Variants in PRSS3 observed in about 807,000 individuals in gnomAD.
PRSS3 encodes serine protease 3, also known as trypsin-3.
In PRSS3, 14 loss-of-function variants were observed where a neutral mutation model predicts 20.8. The observed-to-expected ratio is 0.67, with a 90% CI of 0.44 to 1.05. The LOEUF is 1.05. Ranked by LOEUF, PRSS3 falls within the 50% of genes least tolerant of loss-of-function variation. The pLI is 0.00. For synonymous variants in PRSS3, 91 were observed against 117.6 expected, an observed-to-expected ratio of 0.77 and a Z score of 1.46; for missense variants, 237 against 306.4, an observed-to-expected ratio of 0.77 and a Z score of 1.69.
intron 1 of PRSS3, among the ~76,000 whole-genome samples, chr9:33,762,341 T>C (rs1469106754): frequency 6.6e-6 from 1 of 152,192 alleles, no homozygotes; most frequent in Non-Finnish European, 1.5e-5. Context: ...GGATAGACTC[T>C]GGACCTCCTC....
chr9:33,756,536 G>A (rs1283234537), intron 1 of PRSS3, among the ~76,000 whole-genome samples: 2 of 152,094 alleles, frequency 1.3e-5, no homozygotes, highest in Non-Finnish European at 2.9e-5. Flanking sequence ...TACTTAGACT[G>A]AATCTGAAAA....
chr9:33,751,811 T>C (rs1171318406), intron 1 of PRSS3, among the ~76,000 whole-genome samples: 6 of 152,106 alleles, frequency 3.9e-5, no homozygotes, highest in Non-Finnish European at 7.4e-5. Flanking sequence ...CAGTGGGAAA[T>C]TACGGAAAGA....
intron 2 of PRSS3, 149 bp downstream of exon 2, chr9:33,796,951 A>G (rs1824987876): frequency 4.6e-6 from 6 of 1,311,388 alleles, no homozygotes; most frequent in Non-Finnish European, 5.4e-6. Flanking sequence ...TCTCCAGAGC[A>G]AGGCCAATCC....
intron 1 of PRSS3, among the ~76,000 whole-genome samples, chr9:33,754,226 C>T (rs1822836253): frequency 6.6e-6 from 1 of 151,992 alleles, no homozygotes; most frequent in South Asian, 2.1e-4. Context: ...CGTGCACCAC[C>T]ACGCCCAGCT....
chr9:33,795,999 C>T (rs1482922253), intron 1 of PRSS3, among the ~76,000 whole-genome samples: 1 of 152,256 alleles, frequency 6.6e-6, no homozygotes, highest in East Asian at 1.9e-4. Context: ...AGAGATTCAA[C>T]TCTAGAAGTT....
chr9:33,766,125 C>G (rs900405035), intron 1 of PRSS3, among the ~76,000 whole-genome samples: 1 of 151,888 alleles, frequency 6.6e-6, no homozygotes, highest in African/African-American at 2.4e-5. Flanking sequence ...ATTAACCAGG[C>G]ATACTGGCGA....
At chr9:33,788,846 T>C (rs2119047470) in intron 1 of PRSS3, among the ~76,000 whole-genome samples, 1 of 152,342 alleles carries the variant, frequency 6.6e-6, no homozygotes, top group East Asian at 1.9e-4. Context: ...CATATTTTTC[T>C]TCTTTTTGCT....
chr9:33,783,325 T>G (rs1263627519), intron 1 of PRSS3, among the ~76,000 whole-genome samples: 1 of 152,216 alleles, frequency 6.6e-6, no homozygotes, highest in East Asian at 1.9e-4. Context: ...TCAAGATTTG[T>G]GCATGGTGCT....
chr9:33,786,309 T>C, intron 1 of PRSS3: 1 of 571,812 alleles, frequency 1.7e-6, no homozygotes, highest in Non-Finnish European at 3.1e-6. Context: ...GGTAGAGAGG[T>C]GGAAAGACTT....
chr9:33,761,289 G>A (rs575269082), intron 1 of PRSS3, among the ~76,000 whole-genome samples: 4 of 152,210 alleles, frequency 2.6e-5, no homozygotes, highest in East Asian at 1.9e-4. Flanking sequence ...GTCTGTAGGC[G>A]TGAGCGCTTT....
chr9:33,788,930 A>G (rs1238475986), intron 1 of PRSS3, among the ~76,000 whole-genome samples: 3 of 152,160 alleles, frequency 2.0e-5, no homozygotes, highest in Non-Finnish European at 4.4e-5. Context: ...AGCTCCAGTA[A>G]GCCTCTAATT....
chr9:33,778,119 G>GA lies in PRSS3; in HGVS notation c.-52-16621dup, dbSNP rs549501908. 1.9e-4 allele frequency among the ~76,000 whole-genome samples: 29 copies of GA among 152,110 alleles called. 1 individual carries two copies. In the South Asian group the frequency reaches 6.0e-3, roughly 32 times the overall value. Reference sequence around the variant, plus strand: ...ATCTATTTGATTATACCTACAGATAGAAAAAATTTGGTAAAATCCCAAACT... The same window carrying GA: ...ATCTATTTGATTATACCTACAGATAGAAAAAAATTTGGTAAAATCCCAAACT... On this transcript the variant is annotated intron_variant, in intron 1 of 5. Transcript: ENST00000342836.
chr9:33,768,660 C>T (rs1402704444), intron 1 of PRSS3, among the ~76,000 whole-genome samples: 6 of 151,858 alleles, frequency 4.0e-5, no homozygotes, highest in African/African-American at 1.5e-4. Flanking sequence ...AGTTTGAGAC[C>T]AGCCTGGCCA....
chr9:33,758,429 T>C (rs1362564322), intron 1 of PRSS3, among the ~76,000 whole-genome samples: 1 of 152,198 alleles, frequency 6.6e-6, no homozygotes, highest in African/African-American at 2.4e-5. Flanking sequence ...CAGTGATCTG[T>C]AGATTAGTGT....
chr9:33,763,803 C>G (rs12340286), intron 1 of PRSS3, among the ~76,000 whole-genome samples: 2,852 of 152,040 alleles, frequency 0.019, 93 homozygotes, highest in African/African-American at 0.065. Context: ...AACTGCCTCT[C>G]AGCCTTTGCA....
Position 33,798,485 on chromosome 9 carries a change from G to GCTGA in PRSS3, c.457_460dup (p.Tyr154Ter). ...CTTTGATCTCTTCCTGATCCTCACA[G>GCTGA]CTGACTACCCAGACGAGCTGAAGTG... On this transcript the variant is annotated frameshift_variant and splice_region_variant. Transcript: ENST00000379405. LOFTEE classifies it high-confidence loss of function. The GCTGA allele has an allele frequency of 6.2e-7, 1 of 1,613,996 alleles. No individual in the cohort carries two copies. The highest frequency in any genetic ancestry group is 1.3e-5 in the African/African-American group (1 of 75,020).
chr9:33,765,514 G>A (rs983067897), intron 1 of PRSS3, among the ~76,000 whole-genome samples: 6 of 152,036 alleles, frequency 3.9e-5, no homozygotes, highest in Non-Finnish European at 8.8e-5. Flanking sequence ...TGCCAGCATC[G>A]CTACTTTTTC....
At chr9:33,790,848 T>C (rs528495647), upstream of PRSS3, among the ~76,000 whole-genome samples, 2 of 152,286 alleles carry the variant, frequency 1.3e-5, no homozygotes, top group East Asian at 3.9e-4. Flanking sequence ...TAAATAAATA[T>C]GATTTCAAAG....
At chr9:33,772,278 G>A (rs2118915572) in intron 1 of PRSS3, among the ~76,000 whole-genome samples, 1 of 152,320 alleles carries the variant, frequency 6.6e-6, no homozygotes, top group South Asian at 2.1e-4. Flanking sequence ...AGGACTTAAA[G>A]GGCTTTGGGA....
Sources: allele counts gnomAD v4.1 joint callset (sites outside exome capture counted in the v4.1 genomes callset), GRCh38; gene constraint gnomAD v4.1.1; transcripts MANE v1.5; gene names NCBI Gene and HGNC (gene_info 2026-07-23, HGNC 2026-07-21).